Variants in SYNE2 observed in about 807,000 individuals in gnomAD.
SYNE2 encodes nesprin-2.
SYNE2 carries 431 observed loss-of-function variants against 856.3 expected under a neutral mutation model. The observed-to-expected ratio is 0.50, with a 90% CI of 0.47 to 0.55. The LOEUF is 0.55. SYNE2 is among the 20% of genes least tolerant of loss of function. The pLI is 0.00. For missense variants in SYNE2, 8,129 were observed against 8,023.2 expected (o/e 1.01, Z -0.50); for synonymous variants, 2,923 against 2,872.3 (o/e 1.02, Z -0.56).
chr14:64,150,007 CTTTTTTTTTTT>C (rs755126549), intron 84 of SYNE2, among the ~76,000 whole-genome samples: 24 of 94,412 alleles, frequency 2.5e-4, no homozygotes, highest in Non-Finnish European at 3.8e-4. Flanking sequence ...TTTTTCTTTT[CTTTTTTTTTTT>C]TTTTTTTTTT....
intron 1 of SYNE2, among the ~76,000 whole-genome samples, chr14:63,877,132 C>A (rs569461496): frequency 1.3e-5 from 2 of 152,042 alleles, no homozygotes; most frequent in African/African-American, 2.4e-5. Context: ...CAGCCACTTT[C>A]GTTAATAAAT....
At chr14:63,801,319 C>G (rs1390782232) in intron 1 of SYNE2, among the ~76,000 whole-genome samples, 2 of 152,166 alleles carry the variant, frequency 1.3e-5, no homozygotes, top group African/African-American at 2.4e-5. Flanking sequence ...CACTAAAGAA[C>G]TTACTCATGT....
chr14:64,090,626 A>C (rs535010477), intron 59 of SYNE2, among the ~76,000 whole-genome samples: 19 of 152,328 alleles, frequency 1.2e-4, no homozygotes, highest in Non-Finnish European at 1.5e-4. Flanking sequence ...GAAAAGGAAG[A>C]AAAAGTTGTC....
chr14:64,183,543 A>T (rs892835903), intron 96 of SYNE2, among the ~76,000 whole-genome samples: 4 of 152,144 alleles, frequency 2.6e-5, no homozygotes, highest in Admixed American at 1.3e-4. Flanking sequence ...CAGTCTCGGC[A>T]CTTTGGGAGG....
At position 64,048,167 on chromosome 14, in the gene SYNE2, T is replaced by C. The variant is rs1455235497; in HGVS notation, c.7377+12T>C. The C allele has an allele frequency of 2.5e-6, 4 of 1,610,840 alleles. No individual in the cohort carries two copies. Among genetic ancestry groups the C allele is most frequent in the Admixed American group, 3.3e-5 (2 of 59,906 alleles). On this transcript the variant is annotated intron_variant, in intron 46 of 115. Transcript: ENST00000555002. ...TAGAAGAGATAGAGGTATGGAAACATAAAAACACTGACAACATGATTGCAT... is the reference window on the plus strand; with the variant it reads ...TAGAAGAGATAGAGGTATGGAAACACAAAAACACTGACAACATGATTGCAT...
intron 85 of SYNE2, among the ~76,000 whole-genome samples, chr14:64,156,759 G>A (rs182896417): frequency 5.3e-5 from 8 of 151,922 alleles, no homozygotes; most frequent in Admixed American, 2.0e-4. Context: ...ACACCTGGCC[G>A]CCTTCTTTAT....
intron 77 of SYNE2, 108 bp downstream of exon 77, chr14:64,132,546 T>G (rs2098033272): frequency 7.0e-7 from 1 of 1,426,642 alleles, no homozygotes; most frequent in African/African-American, 1.4e-5. Context: ...TATAGTTAAA[T>G]GGAAGCCTGA....
At chr14:63,797,756 C>A (rs1436225723) in intron 1 of SYNE2, among the ~76,000 whole-genome samples, 1 of 152,196 alleles carries the variant, frequency 6.6e-6, no homozygotes, top group Admixed American at 6.5e-5. Context: ...GTAATAATTT[C>A]TACACATCAG....
chr14:64,223,069 CGAGTT>C (rs1331528452), intron 112 of SYNE2, 115 bp from the exon 113 acceptor site: 13 of 963,044 alleles, frequency 1.3e-5, no homozygotes, highest in African/African-American at 4.8e-5. Flanking sequence ...AGAGGATTCT[CGAGTT>C]GAGTACTACC....
intron 1 of SYNE2, among the ~76,000 whole-genome samples, chr14:63,859,737 A>G (rs1892980018): frequency 6.6e-6 from 1 of 151,924 alleles, no homozygotes; most frequent in Non-Finnish European, 1.5e-5. Context: ...AATTGCTTGA[A>G]CTCAGGGGGT....
At chr14:63,986,893 C>G (rs1275357753) in intron 19 of SYNE2, among the ~76,000 whole-genome samples, 2 of 152,010 alleles carry the variant, frequency 1.3e-5, no homozygotes, top group Non-Finnish European at 2.9e-5. Flanking sequence ...TTTTCTTGCA[C>G]CAGAGGACAA....
chr14:63,852,896 T>TA (rs1890683854), upstream of SYNE2: 1 of 151,696 alleles, frequency 6.6e-6, no homozygotes. Context: ...GGGCGCGCTC[T>TA]ACACTGGCCG....
Position 64,003,178 on chromosome 14 carries a change from C to T in SYNE2, c.4245C>T (p.Gly1415=), listed in dbSNP as rs981474902. 2.5e-6 allele frequency: 4 copies of T among 1,613,968 alleles called. No individual in the cohort carries two copies. Among genetic ancestry groups the T allele is most frequent in the Non-Finnish European group, 2.5e-6 (3 of 1,180,022 alleles). Residue 1415 remains glycine (G), a synonymous_variant, in exon 30 of 116, where the codon GGC becomes GGT. Transcript: ENST00000555002. Reference sequence around the variant, plus strand: ...CAATAAAGTTATCTGAGACACATGGCTATGGGGTACAGGAGGAATTCACTG... The same window carrying T: ...CAATAAAGTTATCTGAGACACATGGTTATGGGGTACAGGAGGAATTCACTG... ...AFSIKLSETH[G]YGVQEEFTEE...
At chr14:64,050,005 A>G (rs2097213003) in intron 47 of SYNE2, 129 bp downstream of exon 47, 1 of 1,129,358 alleles carries the variant, frequency 8.9e-7, no homozygotes, top group Admixed American at 2.5e-5. Context: ...ACAGGATGGA[A>G]TGTTATTTCA....
chr14:63,871,288 C>T (rs1896773655), intron 1 of SYNE2, among the ~76,000 whole-genome samples: 1 of 151,928 alleles, frequency 6.6e-6, no homozygotes, highest in Admixed American at 6.6e-5. Flanking sequence ...TCACTGCAAC[C>T]TCTGCCTCCT....
chr14:63,982,873 C>A, intron 17 of SYNE2, 79 bp downstream of exon 17: 1 of 1,447,240 alleles, frequency 6.9e-7, no homozygotes, highest in Non-Finnish European at 9.6e-7. Flanking sequence ...AAGTTCATAA[C>A]CAATTGATTT....
At chr14:63,829,269 G>A (rs929363588) in intron 1 of SYNE2, among the ~76,000 whole-genome samples, 4 of 151,924 alleles carry the variant, frequency 2.6e-5, no homozygotes, top group African/African-American at 9.7e-5. Flanking sequence ...TTTAAAAAAC[G>A]AGCTGGTTGT....
chr14:64,225,290 A>C (rs774119589), intron 115 of SYNE2, 29 bp from the exon 116 acceptor site: 12 of 1,613,918 alleles, frequency 7.4e-6, no homozygotes, highest in Non-Finnish European at 1.0e-5. Context: ...GGAGCCTCCC[A>C]ATCAGCTCTC....
At chr14:63,785,469 AAAAC>A (rs1015102828) in intron 1 of SYNE2, among the ~76,000 whole-genome samples, 24 of 151,952 alleles carry the variant, frequency 1.6e-4, no homozygotes, top group African/African-American at 4.3e-4. Context: ...AAAACAAAAC[AAAAC>A]AAACAAACAA....
Sources: gnomAD v4.1 joint callset for allele counts (sites outside exome capture counted in the v4.1 genomes callset) on GRCh38, gnomAD v4.1.1 for gene constraint, MANE v1.5 for transcripts, NCBI Gene and HGNC (gene_info 2026-07-23, HGNC 2026-07-21) for gene names.